The following CASP14 variants were observed in gnomAD, a reference collection of about 807,000 sequenced individuals.
The protein encoded by CASP14 is caspase 14, also known as caspase-14.
CASP14 carries 27 observed loss-of-function variants against 28.4 expected under a neutral mutation model. That is an observed-to-expected ratio of 0.95 (90% CI 0.70 to 1.31). CASP14 has a LOEUF of 1.31. Among genes scored for constraint, CASP14 ranks in the 50% most tolerant of loss-of-function variants. CASP14 has a pLI of 0.00. For synonymous variants in CASP14, 115 were observed against 118.6 expected (o/e 0.97, Z 0.20); for missense variants, 323 against 312.8 (o/e 1.03, Z -0.25).
At position 15,056,900 on chromosome 19, in the gene CASP14, A is replaced by G. The variant is rs778607929; in HGVS notation, c.*811A>G. The G allele has an allele frequency of 1.3e-5, 2 of 152,206 alleles. No homozygotes were observed. The highest frequency in any genetic ancestry group is 2.9e-5 in the Non-Finnish European group (2 of 68,030). 9.4% of individuals were successfully genotyped at this position (152,206 alleles called of 1,614,324 possible). On this transcript the variant is annotated 3_prime_UTR_variant, in exon 7 of 7. Coordinates refer to ENST00000427043, the MANE Select transcript of CASP14 (RefSeq NM_012114.3). ...CTCTCATAACCAGAGAGGTTAAATA[A>G]TTTGTCAAATGCAATACAGTAAGAC...
At chr19:15,051,496 C>A (rs1333201382) in intron 1 of CASP14, among the ~76,000 whole-genome samples, 2 of 87,414 alleles carry the variant, frequency 2.3e-5, no homozygotes, top group Non-Finnish European at 4.2e-5. Context: ...GAGTGAGATT[C>A]TGTCTCAAAA....
In CASP14 at chr19:15,057,571, C is replaced by G. The variant is rs2046123283; in HGVS notation, c.*1482C>G. The G allele has an allele frequency of 6.6e-6, 1 of 152,150 alleles. No homozygotes were observed. The highest frequency in any genetic ancestry group is 1.5e-5 in the Non-Finnish European group (1 of 68,074). 9.4% of individuals were successfully genotyped at this position (152,150 alleles called of 1,614,324 possible). A position where few individuals can be genotyped will look rare whatever the true frequency, so the allele number is the denominator to read the frequency against. ...ATAACAGTGATCTCCCTGGAACACTCAAGAAGACACAACATACCATATTAT... is the reference window on the plus strand; with the variant it reads ...ATAACAGTGATCTCCCTGGAACACTGAAGAAGACACAACATACCATATTAT... On this transcript the variant is annotated 3_prime_UTR_variant, in exon 7 of 7. Coordinates refer to ENST00000427043, the MANE Select transcript of CASP14 (RefSeq NM_012114.3).
chr19:15,055,464 A>C lies in CASP14; in HGVS notation c.555A>C (p.Ser185=). 6.2e-7 allele frequency: 1 copy of C among 1,614,152 alleles called. No individual in the cohort carries two copies. Among genetic ancestry groups the C allele is most frequent in the Non-Finnish European group, 8.5e-7 (1 of 1,180,002 alleles). ...YIAYRHDQKG[S]CFIQTLVDVF... is the part of the protein sequence containing the mutation. Reference sequence around the variant, plus strand: ...CCTACCGACATGATCAGAAAGGCTCATGCTTTATCCAGACCCTGGTGGATG... The same window carrying C: ...CCTACCGACATGATCAGAAAGGCTCCTGCTTTATCCAGACCCTGGTGGATG... Residue 185 remains serine (S), a synonymous_variant, in exon 6 of 7, where the codon TCA becomes TCC. Coordinates refer to ENST00000427043, the MANE Select transcript of CASP14 (RefSeq NM_012114.3).
intron 1 of CASP14, 50 bp downstream of exon 1, chr19:15,049,695 TCTCACA>T (rs750289090): frequency 0.15 from 17,270 of 113,406 alleles, 898 homozygotes; most frequent in South Asian, 0.22. Context: ...TCTCTCTCTC[TCTCACA>T]CACACACACA....
chr19:15,051,506 A>AAAAG (rs2046090815), intron 1 of CASP14, among the ~76,000 whole-genome samples: 1 of 150,570 alleles, frequency 6.6e-6, no homozygotes, highest in Non-Finnish European at 1.5e-5. Flanking sequence ...CTGTCTCAAA[A>AAAAG]AAAAAAAAAA....
chr19:15,055,804 T>C (rs746740839), intron 6 of CASP14, among the ~76,000 whole-genome samples, 181 bp from the exon 7 acceptor site: 3 of 152,206 alleles, frequency 2.0e-5, no homozygotes, highest in Non-Finnish European at 4.4e-5. Flanking sequence ...TGTTTATATG[T>C]TTTTATTGCA....
chr19:15,051,193 G>C (rs2046088975), intron 1 of CASP14, among the ~76,000 whole-genome samples: 1 of 107,700 alleles, frequency 9.3e-6, no homozygotes, highest in African/African-American at 3.1e-5. Context: ...GAAGGATCTA[G>C]ATAGAAAAAA....
At position 15,057,086 on chromosome 19, in the gene CASP14, A is replaced by G. The variant is rs1176352107; in HGVS notation, c.*997A>G. On this transcript the variant is annotated 3_prime_UTR_variant, in exon 7 of 7. Coordinates refer to ENST00000427043, the MANE Select transcript of CASP14 (RefSeq NM_012114.3). ...TGGAAGTTTCTAGAAATTTTCAATA[A>G]CCACCAGCCAAGGTTACCTCCAGGT... 6.6e-6 allele frequency: 1 copy of G among 152,088 alleles called. No individual in the cohort carries two copies. Among genetic ancestry groups the G allele is most frequent in the Non-Finnish European group, 1.5e-5 (1 of 68,016 alleles). The allele number at this position is 152,088 out of a possible 1,614,324, so 9.4% of individuals were successfully genotyped here.
Position 15,056,030 on chromosome 19 carries a change from G to C in CASP14, c.670G>C (p.Ala224Pro). The C allele has an allele frequency of 1.2e-6, 2 of 1,609,350 alleles. No homozygotes were observed. Among genetic ancestry groups the C allele is most frequent in the Non-Finnish European group, 1.7e-6 (2 of 1,177,768 alleles). The change falls in exon 7 of 7, where the codon GCA becomes CCA. Residue 224 changes from alanine to proline, a missense_variant. Coordinates refer to ENST00000427043, the MANE Select transcript of CASP14 (RefSeq NM_012114.3). ...AEAELVQEGK[A>P]RKTNPEIQST... ...AGCAGAGCTGGTTCAAGAAGGAAAAGCAAGGAAAACGAACCCTGAAATCCA... is the reference window on the plus strand; with the variant it reads ...AGCAGAGCTGGTTCAAGAAGGAAAACCAAGGAAAACGAACCCTGAAATCCA...
Position 15,055,480 on chromosome 19 carries a change from C to T in CASP14, c.571C>T (p.Leu191=). ...DQKGSCFIQT[L]VDVFTKRKGH... ...GAAAGGCTCATGCTTTATCCAGACC[C>T]TGGTGGATGTGTTCACGAAGAGGAA... Residue 191 remains leucine, a synonymous_variant, in exon 6 of 7, where the codon CTG becomes TTG. Transcript: ENST00000427043. 6.2e-7 allele frequency: 1 copy of T among 1,614,132 alleles called. No individual in the cohort carries two copies. The highest frequency in any genetic ancestry group is 8.5e-7 in the Non-Finnish European group (1 of 1,180,002).
intron 1 of CASP14, among the ~76,000 whole-genome samples, chr19:15,050,731 T>C (rs966807086): frequency 6.6e-6 from 1 of 151,834 alleles, no homozygotes; most frequent in Non-Finnish European, 1.5e-5. Flanking sequence ...GATAGATAGA[T>C]GGATGGGTAG....
intron 1 of CASP14, among the ~76,000 whole-genome samples, chr19:15,051,164 T>C (rs577200624): frequency 4.6e-5 from 7 of 150,852 alleles, no homozygotes; most frequent in African/African-American, 1.7e-4. Context: ...GCAGATATTA[T>C]GCCACCAAAA....
At chr19:15,050,321 T>TGTGAGAGAGA (rs201170850) in intron 1 of CASP14, among the ~76,000 whole-genome samples, 56 of 149,196 alleles carry the variant, frequency 3.8e-4, no homozygotes, top group African/African-American at 1.3e-3. Flanking sequence ...TGTGTGTGTG[T>TGTGAGAGAGA]GAGAGAGAGA....
intron 2 of CASP14, 30 bp downstream of exon 2, chr19:15,052,308 G>A: frequency 1.3e-6 from 2 of 1,559,778 alleles, no homozygotes; most frequent in Non-Finnish European, 1.7e-6. Flanking sequence ...AGGGGAGGGT[G>A]ATCATCTGGG....
Position 15,053,845 on chromosome 19 carries a change from G to A in CASP14, c.290G>A (p.Gly97Glu). ...CACGGGAGGGAAGGCTTCCTCAAGG[G>A]AGAAGATGGGGAGATGGTCAAGCTG... ...MAHGREGFLK[G>E]EDGEMVKLEN... Residue 97 changes from glycine to glutamate, a missense_variant, in exon 4 of 7, where the codon GGA (glycine) becomes GAA (glutamate). Gly to Glu is a moderately conservative substitution (Grantham distance 98). Coordinates refer to ENST00000427043, the MANE Select transcript of CASP14 (RefSeq NM_012114.3). The A allele has an allele frequency of 6.2e-7, 1 of 1,614,166 alleles. No homozygotes were observed. The highest frequency in any genetic ancestry group is 8.5e-7 in the Non-Finnish European group (1 of 1,180,030).
intron 4 of CASP14, 98 bp from the exon 5 acceptor site, chr19:15,055,060 C>T: frequency 2.3e-6 from 2 of 854,424 alleles, no homozygotes; most frequent in African/African-American, 1.7e-5. Context: ...CTGCTTCAGC[C>T]CCCCAAAACA....
Position 15,053,626 on chromosome 19 carries a change from G to C in CASP14, c.172G>C (p.Ala58Pro). The change falls in exon 3 of 7, where the codon GCC becomes CCC. Residue 58 changes from alanine to proline, a missense_variant. By Grantham distance (27) the Ala-to-Pro change is conservative. Coordinates refer to ENST00000427043, the MANE Select transcript of CASP14 (RefSeq NM_012114.3). ...AAGCACCATGAAAAGAGACCCCACTGCCGAGGTATTGGGGTGCCTACTCCA... is the reference window on the plus strand; with the variant it reads ...AAGCACCATGAAAAGAGACCCCACTCCCGAGGTATTGGGGTGCCTACTCCA... ...FESTMKRDPTAEQFQEELEKF... is the reference protein window; with the variant it reads ...FESTMKRDPTPEQFQEELEKF... 1.2e-6 allele frequency: 2 copies of C among 1,614,126 alleles called. No homozygotes were observed. Among genetic ancestry groups the C allele is most frequent in the Non-Finnish European group, 1.7e-6 (2 of 1,180,020 alleles).
chr19:15,055,327 C>T, intron 5 of CASP14, 53 bp downstream of exon 5: 4 of 1,559,946 alleles, frequency 2.6e-6, no homozygotes, highest in South Asian at 1.1e-5. Context: ...CCTCTCCTGC[C>T]ACTCCCAACT....
At chr19:15,054,544 T>C (rs1183081007) in intron 4 of CASP14, among the ~76,000 whole-genome samples, 2 of 152,018 alleles carry the variant, frequency 1.3e-5, no homozygotes, top group African/African-American at 2.4e-5. Context: ...GATTACACCA[T>C]TGCACTCCAG....
Sources: gnomAD v4.1 joint callset for allele counts (sites outside exome capture counted in the v4.1 genomes callset) on GRCh38, gnomAD v4.1.1 for gene constraint, MANE v1.5 for transcripts, NCBI Gene and HGNC (gene_info 2026-07-23, HGNC 2026-07-21) for gene names.